Variants in DZIP1L observed in about 807,000 individuals in gnomAD.
The protein encoded by DZIP1L is cilium assembly protein DZIP1L.
In DZIP1L, 90 loss-of-function variants were observed where a neutral mutation model predicts 88.7. The ratio of observed to expected loss-of-function variants is 1.02; its 90% confidence interval spans 0.86 to 1.21. DZIP1L has a LOEUF of 1.21. DZIP1L is among the 50% of genes most tolerant of loss of function. DZIP1L has a pLI of 0.00. For missense variants in DZIP1L, 932 were observed against 955.8 expected (o/e 0.98, Z 0.33); for synonymous variants, 363 against 372.1 (o/e 0.98, Z 0.28).
rs201114444 is a variant in DZIP1L at position 138,068,340 on chromosome 3, G to T, written c.1643C>A (p.Thr548Asn). 2 of 1,565,276 alleles carry T rather than the reference G, an allele frequency of 1.3e-6. No individual in the cohort carries two copies. Among genetic ancestry groups the T allele is most frequent in the African/African-American group, 2.7e-5 (2 of 72,972 alleles). The change falls in exon 13 of 16, where the codon ACC becomes AAC. Residue 548 changes from threonine to asparagine, a missense_variant. Thr to Asn is a moderately conservative substitution (Grantham distance 65, BLOSUM62 0). Transcript: ENST00000327532. ...CCTGGTCTTTGGCTGGGCCTCTCTG[G>T]TGACCAGTGTGCTCTGCTGGCTTTT... The part of the protein sequence containing the change: ...SVKSQQSTLV[T>N]REAQPKTRTL...
At chr3:138,066,769 C>T (rs956640944) in intron 14 of DZIP1L, among the ~76,000 whole-genome samples, 2 of 151,926 alleles carry the variant, frequency 1.3e-5, no homozygotes, top group African/African-American at 2.4e-5. Context: ...CCGAGATGGA[C>T]AAGGATAGGA....
chr3:138,067,795 T>A (rs1438197609), intron 13 of DZIP1L, 95 bp from the exon 14 acceptor site: 2 of 1,395,574 alleles, frequency 1.4e-6, no homozygotes, highest in African/African-American at 3.0e-5. Flanking sequence ...TTTGGTTTGC[T>A]CAGGGCCAGC....
intron 7 of DZIP1L, among the ~76,000 whole-genome samples, chr3:138,085,732 T>C (rs1559841968): frequency 1.3e-5 from 2 of 152,202 alleles, no homozygotes; most frequent in Non-Finnish European, 2.9e-5. Context: ...AGAAATACCA[T>C]TTGACCCAGC....
intron 5 of DZIP1L, 52 bp from the exon 6 acceptor site, chr3:138,088,559 T>C (rs1402055422): frequency 6.3e-7 from 1 of 1,594,324 alleles, no homozygotes; most frequent in Non-Finnish European, 8.5e-7. Context: ...ATCATGATGT[T>C]GTCTTTTATA....
At position 138,063,115 on chromosome 3, in the gene DZIP1L, C is replaced by T. The variant is rs1334853931; in HGVS notation, c.2143-138G>A. On this transcript the variant is annotated intron_variant, in intron 15 of 15. Transcript: ENST00000327532. This position sits in a 1 kb window ranked among gnomAD's most constrained non-coding sequence, Gnocchi z 4.1. ...CTGGGAAGAAAGCAATAGGGAGATGCTACTCCTCCTGACTTCTCAAGTCTT... is the reference window on the plus strand; with the variant it reads ...CTGGGAAGAAAGCAATAGGGAGATGTTACTCCTCCTGACTTCTCAAGTCTT... 3.2e-6 allele frequency: 3 copies of T among 930,240 alleles called. No individual in the cohort carries two copies. The highest frequency in any genetic ancestry group is 2.6e-5 in the East Asian group (1 of 38,116). 57.6% of individuals were successfully genotyped at this position (930,240 alleles called of 1,614,324 possible).
chr3:138,071,578 C>G (rs1340780081), intron 12 of DZIP1L, 65 bp downstream of exon 12: 5 of 1,538,668 alleles, frequency 3.2e-6, no homozygotes, highest in South Asian at 1.3e-5. Context: ...CATGTGCAAA[C>G]AAGTTTTGGC....
intron 7 of DZIP1L, among the ~76,000 whole-genome samples, chr3:138,084,648 T>G (rs1943839072): frequency 1.3e-5 from 2 of 152,136 alleles, no homozygotes; most frequent in Admixed American, 1.3e-4. Context: ...ATAAAGAAAC[T>G]TTAGAAGAAT....
chr3:138,071,558 A>C, intron 12 of DZIP1L, 85 bp downstream of exon 12: 1 of 1,472,150 alleles, frequency 6.8e-7, no homozygotes, highest in Non-Finnish European at 9.1e-7. Context: ...GACAGAGACT[A>C]TACCCTCCTC....
intron 1 of DZIP1L, among the ~76,000 whole-genome samples, chr3:138,110,895 AC>A (rs1486556613): frequency 6.6e-6 from 1 of 152,268 alleles, no homozygotes; most frequent in Non-Finnish European, 1.5e-5. Context: ...TCCCACAGTC[AC>A]ACAACTAGTA....
Position 138,092,430 on chromosome 3 carries a change from A to G in DZIP1L, c.823T>C (p.Trp275Arg), listed in dbSNP as rs770414266. 11 of 1,605,908 alleles carry G rather than the reference A, an allele frequency of 6.8e-6. No individual in the cohort carries two copies. The Admixed American group carries it at 1.4e-4, about 20-fold the overall frequency. ...TTGGCGACATTTTTAAATTCATCCC[A>G]AAATAATTTTTTTAGTTTATCTATT... ...GEIDKLKKLF[W>R]DEFKNVAKQN... is the part of the protein sequence containing the mutation. Residue 275 changes from tryptophan (W) to arginine (R), a missense_variant, in exon 5 of 16, where the codon TGG (tryptophan) becomes CGG (arginine). By Grantham distance (101) the Trp-to-Arg change is moderately radical. Transcript: ENST00000327532.
At chr3:138,085,431 C>G (rs1943881962) in intron 7 of DZIP1L, among the ~76,000 whole-genome samples, 1 of 152,138 alleles carries the variant, frequency 6.6e-6, no homozygotes, top group Non-Finnish European at 1.5e-5. Flanking sequence ...ACAACCCCAT[C>G]AAAAAGTGGG....
intron 11 of DZIP1L, among the ~76,000 whole-genome samples, chr3:138,076,677 G>C (rs550856854): frequency 1.3e-5 from 2 of 152,300 alleles, no homozygotes; most frequent in Admixed American, 1.3e-4. Context: ...AACATCGTAT[G>C]TTCTCACTCC....
At chr3:138,097,280 A>G (rs772061630) in intron 3 of DZIP1L, among the ~76,000 whole-genome samples, 1 of 152,202 alleles carries the variant, frequency 6.6e-6, no homozygotes, top group Admixed American at 6.5e-5. Flanking sequence ...GGAATCTGAA[A>G]TTGTAAAATT....
intron 8 of DZIP1L, among the ~76,000 whole-genome samples, chr3:138,083,192 C>T (rs1943747546): frequency 6.6e-6 from 1 of 152,132 alleles, no homozygotes; most frequent in Admixed American, 6.5e-5. Context: ...TGGTTTCCTC[C>T]TTAGGAAACC....
Position 138,111,452 on chromosome 3 carries a change from C to T in DZIP1L, c.-82+3876G>A, listed in dbSNP as rs753028030. 8.5e-5 allele frequency among the ~76,000 whole-genome samples: 13 copies of T among 152,174 alleles called. No homozygotes were observed. In the East Asian group the frequency reaches 1.7e-3, roughly 20 times the overall value. Reference sequence around the variant, plus strand: ...GGAATCAGGCATATCAATGAGAAGTCGCAGTGCCCACGCTGACTGTCAAGA... The same window carrying T: ...GGAATCAGGCATATCAATGAGAAGTTGCAGTGCCCACGCTGACTGTCAAGA... On this transcript the variant is annotated intron_variant, in intron 1 of 15. Transcript: ENST00000327532.
intron 12 of DZIP1L, among the ~76,000 whole-genome samples, chr3:138,070,276 G>C (rs1943116951): frequency 6.6e-6 from 1 of 152,100 alleles, no homozygotes; most frequent in African/African-American, 2.4e-5. Context: ...ATGAATGAGT[G>C]GGCAAATGAA....
intron 11 of DZIP1L, among the ~76,000 whole-genome samples, chr3:138,074,969 T>C (rs1276272132): frequency 6.6e-6 from 1 of 152,154 alleles, no homozygotes; most frequent in Non-Finnish European, 1.5e-5. Flanking sequence ...AAACATTCCA[T>C]GCAAATGGAT....
intron 2 of DZIP1L, among the ~76,000 whole-genome samples, chr3:138,098,633 C>T (rs1944583266): frequency 1.3e-5 from 2 of 152,162 alleles, no homozygotes; most frequent in African/African-American, 2.4e-5. Context: ...TCCCCCAATA[C>T]CCATTTTCCC....
rs757005981 is a variant in DZIP1L at position 138,068,176 on chromosome 3, G to C, written c.1807C>G (p.Pro603Ala). The change falls in exon 13 of 16, where the codon CCT (proline) becomes GCT (alanine). Residue 603 changes from proline (P) to alanine (A), a missense_variant. Coordinates refer to ENST00000327532, the MANE Select transcript of DZIP1L (RefSeq NM_173543.3). ...RPGLHGPSSTPPSSGPGMSTP... is the reference protein window; with the variant it reads ...RPGLHGPSSTAPSSGPGMSTP... ...CTCATCCCGGGCCCCGAGGAAGGAG[G>C]GGTGCTGGAGGGTCCATGCAGTCCG... 5 of 1,528,566 alleles carry C rather than the reference G, an allele frequency of 3.3e-6. No homozygotes were observed. The South Asian group carries it at 5.0e-5, about 15-fold the overall frequency. 94.7% of individuals were successfully genotyped at this position (1,528,566 alleles called of 1,614,324 possible). A position where few individuals can be genotyped will look rare whatever the true frequency, so the allele number is the denominator to read the frequency against.
Sources: gnomAD v4.1 joint callset for allele counts (sites outside exome capture counted in the v4.1 genomes callset) on GRCh38, gnomAD v4.1.1 for gene constraint, Gnocchi (gnomAD v3.1) non-coding constraint, MANE v1.5 for transcripts, NCBI Gene and HGNC (gene_info 2026-07-23, HGNC 2026-07-21) for gene names.